RIMKLA: variants seen among roughly 807,000 people sequenced by gnomAD.
The protein encoded by RIMKLA is ribosomal modification protein rimK like family member A.
A neutral mutation model predicts 32.7 loss-of-function variants in RIMKLA; 14 were observed. The observed-to-expected ratio is 0.43, with a 90% CI of 0.28 to 0.67. RIMKLA has a LOEUF of 0.67. Among genes scored for constraint, RIMKLA ranks in the 30% least tolerant of loss-of-function variants. RIMKLA has a pLI of 0.18. For synonymous variants in RIMKLA, 176 were observed against 204.1 expected (o/e 0.86, Z 1.18); for missense variants, 410 against 519.0 (o/e 0.79, Z 2.04).
At chr1:42,404,361 T>C in intron 2 of RIMKLA, 150 bp from the exon 3 acceptor site, 1 of 632,944 alleles carries the variant, frequency 1.6e-6, no homozygotes, top group South Asian at 1.8e-5. Context: ...TGCAGGTATA[T>C]AATGTGTGTC....
At chr1:42,400,020 T>C (rs896208260) in intron 2 of RIMKLA, among the ~76,000 whole-genome samples, 2 of 151,986 alleles carry the variant, frequency 1.3e-5, no homozygotes. Context: ...GTAGGAGAGC[T>C]CCCCAGTGCA....
intron 2 of RIMKLA, 70 bp from the exon 3 acceptor site, chr1:42,404,441 G>C (rs929134743): frequency 1.0e-6 from 1 of 982,288 alleles, no homozygotes; most frequent in Non-Finnish European, 1.6e-6. Flanking sequence ...TCCTACAGAG[G>C]GGCGGGGCTG....
chr1:42,404,990 C>A (rs1222122142), intron 3 of RIMKLA, among the ~76,000 whole-genome samples: 1 of 152,216 alleles, frequency 6.6e-6, no homozygotes, highest in Non-Finnish European at 1.5e-5. Flanking sequence ...TACAAACAGC[C>A]TCAGCCTTCC....
chr1:42,381,474 A>G (rs1642888604), intron 1 of RIMKLA, among the ~76,000 whole-genome samples: 1 of 152,220 alleles, frequency 6.6e-6, no homozygotes, highest in South Asian at 2.1e-4. Context: ...CTAGAAATCC[A>G]CACCAGATTT....
intron 1 of RIMKLA, among the ~76,000 whole-genome samples, chr1:42,384,501 ATG>A (rs1444256629): frequency 7.5e-5 from 11 of 147,320 alleles, no homozygotes; most frequent in East Asian, 5.9e-4. Context: ...ATATATATAC[ATG>A]TATATATGTA....
chr1:42,413,900 G>A (rs891956755), intron 4 of RIMKLA, among the ~76,000 whole-genome samples: 3 of 149,182 alleles, frequency 2.0e-5, no homozygotes, highest in African/African-American at 7.4e-5. Context: ...ACCCTACAGC[G>A]AGCCACCATA....
Position 42,416,447 on chromosome 1 carries a change from T to A in RIMKLA, c.*1473T>A, listed in dbSNP as rs6685843. ...GCCCACCAAGATCATCCTGAGCTGC[T>A]TCACCCATTTTATTTAGCAGACTTA... is the stretch of plus-strand genomic sequence containing the variant. On this transcript the variant is annotated 3_prime_UTR_variant, in exon 5 of 5. Coordinates refer to ENST00000431473, the MANE Select transcript of RIMKLA (RefSeq NM_173642.4). 0.26 allele frequency: 39,918 copies of A among 151,874 alleles called. 5,577 individuals are homozygous for A. The highest frequency in any genetic ancestry group is 0.3 in the Non-Finnish European group (20,059 of 67,920). 9.4% of individuals were successfully genotyped at this position (151,874 alleles called of 1,614,324 possible).
intron 2 of RIMKLA, among the ~76,000 whole-genome samples, chr1:42,400,273 A>G (rs565415563): frequency 5.9e-5 from 9 of 152,328 alleles, no homozygotes; most frequent in Admixed American, 2.0e-4. Context: ...CAGCAGGTGA[A>G]GGAGATGAGG....
intron 1 of RIMKLA, among the ~76,000 whole-genome samples, chr1:42,394,535 A>C (rs1307310184): frequency 6.6e-6 from 1 of 152,208 alleles, no homozygotes; most frequent in East Asian, 1.9e-4. Context: ...AGGCTCAATA[A>C]AAATCTTGTC....
At chr1:42,408,435 T>C (rs1212733497) in intron 3 of RIMKLA, among the ~76,000 whole-genome samples, 1 of 152,206 alleles carries the variant, frequency 6.6e-6, no homozygotes, top group African/African-American at 2.4e-5. Context: ...TTGTTTGTTT[T>C]TGAGATGACG....
At chr1:42,404,803 T>G (rs1444452462) in intron 3 of RIMKLA, among the ~76,000 whole-genome samples, 1 of 152,244 alleles carries the variant, frequency 6.6e-6, no homozygotes, top group East Asian at 1.9e-4. Context: ...AACTCCTGAC[T>G]TAATGCTGAT....
intron 4 of RIMKLA, 122 bp downstream of exon 4, chr1:42,410,309 G>A (rs1040943269): frequency 2.5e-6 from 2 of 792,308 alleles, no homozygotes; most frequent in East Asian, 2.6e-5. Context: ...TGAGAATGAG[G>A]AACAAACTCT....
At chr1:42,382,206 C>T (rs1360225222) in intron 1 of RIMKLA, among the ~76,000 whole-genome samples, 1 of 152,130 alleles carries the variant, frequency 6.6e-6, no homozygotes, top group African/African-American at 2.4e-5. Context: ...GATTGTATAT[C>T]CTGTTGGAGA....
chr1:42,380,913 G>A lies in RIMKLA; in HGVS notation c.-22G>A, dbSNP rs552975871. 1.5e-4 allele frequency: 194 copies of A among 1,323,830 alleles called. No homozygotes were observed. Among genetic ancestry groups the A allele is most frequent in the Non-Finnish European group, 1.8e-4 (188 of 1,037,728 alleles). The allele number at this position is 1,323,830 out of a possible 1,614,324, so 82.0% of individuals were successfully genotyped here. A position where few individuals can be genotyped will look rare whatever the true frequency, so the allele number is the denominator to read the frequency against. On this transcript the variant is annotated 5_prime_UTR_variant, in exon 1 of 5. Transcript: ENST00000431473. Reference sequence around the variant, plus strand: ...GGGCGCCGAGGGGTCCGCGCCGCGCGGGGCGCACCGCCCTGGCCGCCATGT... The same window carrying A: ...GGGCGCCGAGGGGTCCGCGCCGCGCAGGGCGCACCGCCCTGGCCGCCATGT...
In RIMKLA at chr1:42,406,184, T is replaced by G. The variant is rs76467046; in HGVS notation, c.481+1587T>G. Among the ~76,000 whole-genome samples, 257 of 152,246 alleles carry G rather than the reference T, an allele frequency of 1.7e-3. 1 individual carries two copies. The highest frequency in any genetic ancestry group is 2.4e-3 in the Non-Finnish European group (160 of 68,010). On this transcript the variant is annotated intron_variant, in intron 3 of 4. Transcript: ENST00000431473. ...GAAAGGTAAGACAGCAAACAGAAAT[T>G]AAATATACATAATGTTTTGGAAATC...
intron 1 of RIMKLA, among the ~76,000 whole-genome samples, chr1:42,396,078 C>CA (rs539182435): frequency 2.0e-5 from 3 of 150,714 alleles, no homozygotes; most frequent in East Asian, 2.0e-4. Flanking sequence ...ACTAAAAATG[C>CA]AAAAAAAATT....
chr1:42,385,390 A>G (rs1642927081), intron 1 of RIMKLA, among the ~76,000 whole-genome samples: 1 of 152,208 alleles, frequency 6.6e-6, no homozygotes, highest in African/African-American at 2.4e-5. Context: ...ACAGATACCC[A>G]CCAAGACATA....
At chr1:42,405,525 A>G (rs560553405) in intron 3 of RIMKLA, among the ~76,000 whole-genome samples, 4 of 152,326 alleles carry the variant, frequency 2.6e-5, no homozygotes, top group Admixed American at 1.3e-4. Flanking sequence ...CACTCCAGGC[A>G]TCTGGAGTGA....
Position 42,380,796 on chromosome 1 carries a change from A to T in RIMKLA, c.-139A>T. 2 of 306,806 alleles carry T rather than the reference A, an allele frequency of 6.5e-6. No individual in the cohort carries two copies. The highest frequency in any genetic ancestry group is 1.0e-5 in the Non-Finnish European group (2 of 200,340). The allele number at this position is 306,806 out of a possible 1,614,324, so 19.0% of individuals were successfully genotyped here. On this transcript the variant is annotated 5_prime_UTR_variant, in exon 1 of 5. Coordinates refer to ENST00000431473, the MANE Select transcript of RIMKLA (RefSeq NM_173642.4). Reference sequence around the variant, plus strand: ...CGGATTCGCTGGGTCAGGGCTGCAGAGACGCCTGGCGCACCCGCGGGAGCG... The same window carrying T: ...CGGATTCGCTGGGTCAGGGCTGCAGTGACGCCTGGCGCACCCGCGGGAGCG...
Sources: allele counts gnomAD v4.1 joint callset (sites outside exome capture counted in the v4.1 genomes callset), GRCh38; gene constraint gnomAD v4.1.1; transcripts MANE v1.5; gene names NCBI Gene and HGNC (gene_info 2026-07-23, HGNC 2026-07-21).